The following KALRN variants were observed in gnomAD, a reference collection of about 807,000 sequenced individuals.
The protein encoded by KALRN is kalirin.
In KALRN, 70 loss-of-function variants were observed where a neutral mutation model predicts 353.7. The ratio of observed to expected loss-of-function variants is 0.20; its 90% CI spans 0.16 to 0.24. The LOEUF is 0.24. Among genes scored for constraint, KALRN ranks in the 10% least tolerant of loss-of-function variants. KALRN has a pLI of 1.00. For missense variants in KALRN, 2,791 were observed against 3,756.7 expected, an observed-to-expected ratio of 0.74 and a Z score of 6.72; for synonymous variants, 1,391 against 1,434.8, an observed-to-expected ratio of 0.97 and a Z score of 0.69.
chr3:124,607,038 T>C (rs1187754121), intron 34 of KALRN, among the ~76,000 whole-genome samples: 1 of 152,254 alleles, frequency 6.6e-6, no homozygotes, highest in Admixed American at 6.5e-5. Context: ...TGAAAATGTG[T>C]ATGTCTTTTG....
Position 124,182,822 on chromosome 3 carries a change from A to G in KALRN, c.74-45168A>G, listed in dbSNP as rs184852494. Among the ~76,000 whole-genome samples the G allele has an allele frequency of 2.2e-3, 341 of 152,310 alleles. 1 individual carries two copies. The highest frequency in any genetic ancestry group is 7.8e-3 in the African/African-American group (326 of 41,576). Reference sequence around the variant, plus strand: ...AAGATGTGCTTTATGCCTGGGTTCCAAGTGCTCCTTATCTATGCTGACCAA... The same window carrying G: ...AAGATGTGCTTTATGCCTGGGTTCCGAGTGCTCCTTATCTATGCTGACCAA... On this transcript the variant is annotated intron_variant, in intron 1 of 59. Coordinates refer to ENST00000682506, the MANE Select transcript of KALRN (RefSeq NM_001388419.1).
At chr3:124,191,886 G>C (rs2074956227) in intron 1 of KALRN, among the ~76,000 whole-genome samples, 1 of 152,216 alleles carries the variant, frequency 6.6e-6, no homozygotes, top group African/African-American at 2.4e-5. Flanking sequence ...CCAAGGGAAT[G>C]GGAATTAGAC....
Position 124,250,745 on chromosome 3 carries a change from CG to C in KALRN, c.264-13751del, listed in dbSNP as rs1449629251. ...CTTGGGGGTTGTCTGAGGAGGGCTG[CG>C]GAAAATGGGAGGGCTATGTGGGTTT... On this transcript the variant is annotated intron_variant, in intron 3 of 59. Coordinates refer to ENST00000682506, the MANE Select transcript of KALRN (RefSeq NM_001388419.1). Among the ~76,000 whole-genome samples the C allele has an allele frequency of 5.9e-5, 9 of 152,156 alleles. No individual in the cohort carries two copies. The East Asian group carries it at 7.7e-4, about 13-fold the overall frequency.
intron 36 of KALRN, among the ~76,000 whole-genome samples, chr3:124,636,209 G>T (rs2081334482): frequency 6.6e-6 from 1 of 152,140 alleles, no homozygotes; most frequent in Non-Finnish European, 1.5e-5. Context: ...AACCCAAGGG[G>T]CAAACTTGAA....
At chr3:124,348,196 G>A (rs1218446246) in intron 10 of KALRN, among the ~76,000 whole-genome samples, 1 of 152,198 alleles carries the variant, frequency 6.6e-6, no homozygotes, top group Non-Finnish European at 1.5e-5. Context: ...GGTGGGTGCT[G>A]CTGAAGGAGT....
chr3:124,605,597 A>AGG (rs2077263494), intron 34 of KALRN, among the ~76,000 whole-genome samples: 2 of 135,810 alleles, frequency 1.5e-5, no homozygotes, highest in African/African-American at 5.6e-5. Context: ...AGAGAGAGAG[A>AGG]GAATAGGTGC....
chr3:124,329,827 C>G, intron 7 of KALRN, 34 bp from the exon 8 acceptor site: 1 of 1,603,916 alleles, frequency 6.2e-7, no homozygotes. Context: ...ACCCCCAGTG[C>G]TCCCCCACTG....
At chr3:124,576,806 C>A (rs1161725855) in intron 34 of KALRN, among the ~76,000 whole-genome samples, 1 of 152,136 alleles carries the variant, frequency 6.6e-6, no homozygotes, top group East Asian at 1.9e-4. Context: ...AAATGCCATC[C>A]CACATAGTGG....
At chr3:124,110,650 T>G (rs1039311472) in intron 1 of KALRN, among the ~76,000 whole-genome samples, 7 of 152,198 alleles carry the variant, frequency 4.6e-5, no homozygotes, top group African/African-American at 1.7e-4. Flanking sequence ...TCTGCAATGA[T>G]TTTTATTTTC....
intron 5 of KALRN, among the ~76,000 whole-genome samples, chr3:124,284,374 C>T (rs2075635939): frequency 2.0e-5 from 3 of 152,176 alleles, no homozygotes; most frequent in Admixed American, 2.0e-4. Flanking sequence ...ACCTCCAGGC[C>T]TTTGCTTAAG....
chr3:124,269,964 A>G (rs2073960304), intron 5 of KALRN, among the ~76,000 whole-genome samples: 2 of 152,218 alleles, frequency 1.3e-5, no homozygotes. Flanking sequence ...CTTGAGTAAG[A>G]CACCATTTTT....
At chr3:124,415,547 A>G (rs1389792703) in intron 14 of KALRN, among the ~76,000 whole-genome samples, 5 of 152,272 alleles carry the variant, frequency 3.3e-5, no homozygotes, top group Non-Finnish European at 7.3e-5. Context: ...TGCTATAGGC[A>G]TTGAAACAGT....
intron 1 of KALRN, among the ~76,000 whole-genome samples, chr3:124,215,177 A>G (rs184978900): frequency 1.3e-5 from 2 of 152,276 alleles, no homozygotes; most frequent in East Asian, 3.9e-4. Flanking sequence ...CAAATGCACA[A>G]TCAGCTGGGC....
intron 1 of KALRN, among the ~76,000 whole-genome samples, chr3:124,037,996 A>T (rs532913614): frequency 1.3e-5 from 2 of 152,288 alleles, no homozygotes; most frequent in Admixed American, 1.3e-4. Context: ...AGACAGGAGC[A>T]TGGGCTGGAG....
intron 34 of KALRN, among the ~76,000 whole-genome samples, chr3:124,565,889 CTCGACTATAG>C (rs2072749115): frequency 6.6e-6 from 1 of 152,088 alleles, no homozygotes; most frequent in East Asian, 1.9e-4. Context: ...TGGGGGTTGT[CTCGACTATAG>C]GACAGATTAG....
At chr3:124,528,333 C>G (rs116146041) in intron 33 of KALRN, among the ~76,000 whole-genome samples, 84 of 152,250 alleles carry the variant, frequency 5.5e-4, no homozygotes, top group African/African-American at 2.0e-3. Flanking sequence ...ATAGAGTATA[C>G]CTATTGCTTG....
chr3:124,059,375 C>T (rs1458726361), intron 1 of KALRN, among the ~76,000 whole-genome samples: 3 of 151,754 alleles, frequency 2.0e-5, no homozygotes, highest in Non-Finnish European at 4.4e-5. Context: ...ATGTTCAGGA[C>T]CTCAAATACT....
Position 124,334,316 on chromosome 3 carries a change from C to T in KALRN, c.1468C>T (p.Pro490Ser), listed in dbSNP as rs752649073. 1.2e-6 allele frequency: 2 copies of T among 1,614,250 alleles called. No individual in the cohort carries two copies. Among genetic ancestry groups the T allele is most frequent in the South Asian group, 2.2e-5 (2 of 91,084 alleles). Reference protein sequence around the residue: ...LLDVLQRPLSPGNSESLTATA... With the variant: ...LLDVLQRPLSSGNSESLTATA... ...TGATGTGCTGCAGCGGCCCCTGAGC[C>T]CTGGGAACTCCGAATCCCTCACGGC... Residue 490 changes from proline to serine, a missense_variant, in exon 9 of 60, where the codon CCT becomes TCT. By Grantham distance (74) the Pro-to-Ser change is moderately conservative. This residue lies in a region of KALRN where 366 missense variants were observed against 489.2 expected (regional missense o/e 0.75). Coordinates refer to ENST00000682506, the MANE Select transcript of KALRN (RefSeq NM_001388419.1). The surrounding 1 kb of genome is among the most constrained non-coding windows in gnomAD (Gnocchi z 4.2).
intron 34 of KALRN, among the ~76,000 whole-genome samples, chr3:124,588,463 C>A (rs373058757): frequency 7.2e-5 from 11 of 152,158 alleles, no homozygotes; most frequent in Non-Finnish European, 1.5e-4. Flanking sequence ...CTCGCTCTGT[C>A]GCCCAGGCTG....
Sources: allele counts gnomAD v4.1 joint callset (sites outside exome capture counted in the v4.1 genomes callset), GRCh38; gene constraint gnomAD v4.1.1; regional missense constraint gnomAD v4.1.1; non-coding constraint Gnocchi (gnomAD v3.1); transcripts MANE v1.5; gene names NCBI Gene and HGNC (gene_info 2026-07-23, HGNC 2026-07-21).